PHKG2: variants seen among roughly 807,000 people sequenced by gnomAD.
PHKG2 encodes the protein phosphorylase kinase catalytic subunit gamma 2.
In PHKG2, 28 loss-of-function variants were observed where a neutral mutation model predicts 44.5. The ratio of observed to expected loss-of-function variants is 0.63; its 90% CI spans 0.47 to 0.86. The LOEUF (loss-of-function observed/expected upper bound fraction) is 0.86, where lower values mean the gene tolerates loss of function less well. PHKG2 is among the 40% of genes least tolerant of loss of function. The pLI is 0.00. For missense variants in PHKG2, 498 were observed against 547.5 expected, an observed-to-expected ratio of 0.91 and a Z score of 0.90; for synonymous variants, 220 against 211.2, an observed-to-expected ratio of 1.04 and a Z score of -0.36.
At chr16:30,755,961 A>G (rs1025591662) in intron 6 of PHKG2, among the ~76,000 whole-genome samples, 3 of 152,168 alleles carry the variant, frequency 2.0e-5, no homozygotes, top group South Asian at 2.1e-4. Flanking sequence ...CTTGAAATCA[A>G]TCCAAAACCC....
At chr16:30,752,785 A>C in intron 4 of PHKG2, 1 of 303,706 alleles carries the variant, frequency 3.3e-6, no homozygotes, top group Non-Finnish European at 6.4e-6. Context: ...TGCAGAGTGC[A>C]AGTATAACCT....
In PHKG2 at chr16:30,760,954, T is replaced by G; in HGVS notation, c.*3857T>G. On this transcript the variant is annotated 3_prime_UTR_variant, in exon 10 of 10. Transcript: ENST00000563588. ...CCCTGTGGCCCTCAGTGTCCCCCTCTGTACAATACTCCTTAGCGGCCATGA... is the reference window on the plus strand; with the variant it reads ...CCCTGTGGCCCTCAGTGTCCCCCTCGGTACAATACTCCTTAGCGGCCATGA... 8.2e-6 allele frequency: 5 copies of G among 610,722 alleles called. No individual in the cohort carries two copies. The Admixed American group carries it at 1.2e-4, about 14-fold the overall frequency. The allele number at this position is 610,722 out of a possible 1,614,324, so 37.8% of individuals were successfully genotyped here.
rs375944529 is a variant in PHKG2 at position 30,756,891 on chromosome 16, G to A, written c.1015G>A (p.Asp339Asn). ...ACTGACCAAGAATGCACTGTTGAGG[G>A]ACCCTTATGCGCTGCGGTCAGTGCG... ...RPLTKNALLR[D>N]PYALRSVRHL... is the part of the protein sequence containing the mutation. The change falls in exon 10 of 10, where the codon GAC (aspartate) becomes AAC (asparagine). Residue 339 changes from aspartate (D) to asparagine (N), a missense_variant. By Grantham distance (23) the Asp-to-Asn change is conservative. Coordinates refer to ENST00000563588, the MANE Select transcript of PHKG2 (RefSeq NM_000294.3). 10 of 1,614,016 alleles carry A rather than the reference G, an allele frequency of 6.2e-6. No homozygotes were observed. In the African/African-American group the frequency reaches 1.3e-4, roughly 22 times the overall value.
At chr16:30,754,926 G>A (rs9941201) in intron 6 of PHKG2, 449,960 of 455,496 alleles carry the variant, frequency 0.99, 222,450 homozygotes, top group Non-Finnish European at 1. Flanking sequence ...TGGCAAATCA[G>A]TGCAACTTGG....
At chr16:30,756,342 C>T (rs994823282) in intron 7 of PHKG2, 25 bp from the exon 8 acceptor site, 15 of 1,614,038 alleles carry the variant, frequency 9.3e-6, no homozygotes, top group African/African-American at 4.0e-5. Context: ...CACCTAGTCC[C>T]GCCTGACTCC....
rs2053514653 is a variant in PHKG2 at position 30,758,337 on chromosome 16, C to G, written c.*1240C>G. 6.5e-6 allele frequency: 1 copy of G among 153,252 alleles called. No homozygotes were observed. Among genetic ancestry groups the G allele is most frequent in the African/African-American group, 2.4e-5 (1 of 41,386 alleles). The allele number at this position is 153,252 out of a possible 1,614,324, so 9.5% of individuals were successfully genotyped here. On this transcript the variant is annotated 3_prime_UTR_variant, in exon 10 of 10. Transcript: ENST00000563588. ...CCGCCTGCCTCAGCCTCCCAAAGTG[C>G]TGGGATTACAGTTGTGAGCCACTGC...
chr16:30,749,923 G>T lies in PHKG2; in HGVS notation c.95+1008G>T, dbSNP rs550284855. Among the ~76,000 whole-genome samples, 3 of 152,276 alleles carry T rather than the reference G, an allele frequency of 2.0e-5. No individual in the cohort carries two copies. The East Asian group carries it at 5.8e-4, about 29-fold the overall frequency. On this transcript the variant is annotated intron_variant, in intron 2 of 9. Coordinates refer to ENST00000563588, the MANE Select transcript of PHKG2 (RefSeq NM_000294.3). The stretch of plus-strand genomic sequence containing the variant: ...CCAGAAAAGCACACCTTCTCAGGAG[G>T]AGTCACCTTTGGGCTGGGTCTTGAG...
chr16:30,760,434 C>G lies in PHKG2; in HGVS notation c.*3337C>G. The G allele has an allele frequency of 6.2e-7, 1 of 1,614,144 alleles. No individual in the cohort carries two copies. Among genetic ancestry groups the G allele is most frequent in the Non-Finnish European group, 8.5e-7 (1 of 1,180,006 alleles). On this transcript the variant is annotated 3_prime_UTR_variant, in exon 10 of 10. Transcript: ENST00000563588. ...AGGCTCTGCTCAGGACACCCTAGCT[C>G]CAGCAGCTCAGCCAGCACCCTTGGG...
chr16:30,753,641 C>T (rs1209124588), intron 6 of PHKG2, 84 bp downstream of exon 6: 24 of 1,353,594 alleles, frequency 1.8e-5, no homozygotes, highest in Non-Finnish European at 2.3e-5. Flanking sequence ...AGTACCAAGT[C>T]CCTGGTGCCA....
At chr16:30,754,153 C>CT (rs897287814) in intron 6 of PHKG2, among the ~76,000 whole-genome samples, 4 of 149,982 alleles carry the variant, frequency 2.7e-5, no homozygotes, top group Admixed American at 2.0e-4. Context: ...AGGCACCAGT[C>CT]TTTTTTTTTC....
chr16:30,753,540 C>G lies in PHKG2; in HGVS notation c.539C>G (p.Pro180Arg), dbSNP rs762578361. Residue 180 changes from proline to arginine, a missense_variant, in exon 6 of 10, where the codon CCT becomes CGT. Coordinates refer to ENST00000563588, the MANE Select transcript of PHKG2 (RefSeq NM_000294.3). ...TTCGGGTTCTCCTGCCACTTGGAACCTGGCGAGAAGCTTCGAGGTGAGGGG... is the reference window on the plus strand; with the variant it reads ...TTCGGGTTCTCCTGCCACTTGGAACGTGGCGAGAAGCTTCGAGGTGAGGGG... ...SDFGFSCHLE[P>R]GEKLRELCGT... 27 of 1,614,016 alleles carry G rather than the reference C, an allele frequency of 1.7e-5. No homozygotes were observed. The African/African-American group carries it at 3.3e-4, about 20-fold the overall frequency.
In PHKG2 at chr16:30,753,382, C is replaced by T. The variant is rs1192141193; in HGVS notation, c.393-12C>T. 6.2e-7 allele frequency: 1 copy of T among 1,614,030 alleles called. No homozygotes were observed. The highest frequency in any genetic ancestry group is 2.2e-5 in the East Asian group (1 of 44,886). On this transcript the variant is annotated splice_polypyrimidine_tract_variant and intron_variant, in intron 5 of 9. Coordinates refer to ENST00000563588, the MANE Select transcript of PHKG2 (RefSeq NM_000294.3). ...CCGAGGAGGAGACTGCACCCGCCTC[C>T]CCTTCCCCCAGGTCCATCATGCGGT...
In PHKG2 at chr16:30,757,262, G is replaced by A. The variant is rs2053448923; in HGVS notation, c.*165G>A. 19 of 1,560,400 alleles carry A rather than the reference G, an allele frequency of 1.2e-5. No homozygotes were observed. The South Asian group carries it at 2.0e-4, about 16-fold the overall frequency. On this transcript the variant is annotated 3_prime_UTR_variant, in exon 10 of 10. Transcript: ENST00000563588. Reference sequence around the variant, plus strand: ...CTCTCCCCACTGGCCAGGACTCTGAGATCAGAGCTGGGGTGGAAGGGAGCC... The same window carrying A: ...CTCTCCCCACTGGCCAGGACTCTGAAATCAGAGCTGGGGTGGAAGGGAGCC...
Position 30,759,438 on chromosome 16 carries a change from G to A in PHKG2, c.*2341G>A, listed in dbSNP as rs780804706. On this transcript the variant is annotated 3_prime_UTR_variant, in exon 10 of 10. Transcript: ENST00000563588. ...CCAGCAGCTGTTCCTCTTTGAAGAGGTCGATGCTGAAAGGAGGCCGCTGTG... is the reference window on the plus strand; with the variant it reads ...CCAGCAGCTGTTCCTCTTTGAAGAGATCGATGCTGAAAGGAGGCCGCTGTG... 7 of 1,614,228 alleles carry A rather than the reference G, an allele frequency of 4.3e-6. No individual in the cohort carries two copies. Among genetic ancestry groups the A allele is most frequent in the Non-Finnish European group, 4.2e-6 (5 of 1,180,040 alleles).
chr16:30,760,036 G>A lies in PHKG2; in HGVS notation c.*2939G>A, dbSNP rs2053643030. 8.6e-6 allele frequency: 13 copies of A among 1,504,194 alleles called. No homozygotes were observed. Among genetic ancestry groups the A allele is most frequent in the Non-Finnish European group, 1.1e-5 (13 of 1,131,116 alleles). The allele number at this position is 1,504,194 out of a possible 1,614,324, so 93.2% of individuals were successfully genotyped here. On this transcript the variant is annotated 3_prime_UTR_variant, in exon 10 of 10. Coordinates refer to ENST00000563588, the MANE Select transcript of PHKG2 (RefSeq NM_000294.3). ...AGCTATTAAACATTCTAAAGCAGGT[G>A]TTATTGTGCACTATGCATATATTTG...
intron 2 of PHKG2, among the ~76,000 whole-genome samples, chr16:30,749,538 G>A (rs2053317728): frequency 1.3e-5 from 2 of 152,020 alleles, no homozygotes; most frequent in South Asian, 2.1e-4. Context: ...AGAGGCGGGC[G>A]TTTCACCATA....
intron 6 of PHKG2, among the ~76,000 whole-genome samples, chr16:30,754,126 GC>G (rs1239463014): frequency 2.0e-5 from 3 of 151,452 alleles, no homozygotes; most frequent in African/African-American, 7.3e-5. Context: ...CGTTTACTGG[GC>G]ATTCACCTGT....
intron 7 of PHKG2, 43 bp from the exon 8 acceptor site, chr16:30,756,324 C>G: frequency 6.2e-7 from 1 of 1,614,150 alleles, no homozygotes; most frequent in Non-Finnish European, 8.5e-7. Context: ...TTTGCTGGGT[C>G]TGCCCGTCAC....
chr16:30,755,663 A>G (rs2053410911), intron 6 of PHKG2, among the ~76,000 whole-genome samples: 1 of 152,090 alleles, frequency 6.6e-6, no homozygotes, highest in Admixed American at 6.6e-5. Context: ...GCGACAGGGC[A>G]AGACTCCATC....
Sources: gnomAD v4.1 joint callset for allele counts (sites outside exome capture counted in the v4.1 genomes callset) on GRCh38, gnomAD v4.1.1 for gene constraint, MANE v1.5 for transcripts, NCBI Gene and HGNC (gene_info 2026-07-23, HGNC 2026-07-21) for gene names.